Variants in SV2B observed in about 807,000 individuals in gnomAD.
SV2B encodes solute carrier family 22 member B2.
Under a neutral mutation model 73.9 loss-of-function variants are expected in SV2B, and 41 were observed. The ratio of observed to expected loss-of-function variants is 0.56; its 90% confidence interval spans 0.43 to 0.72. The LOEUF is 0.72. Ranked by LOEUF, SV2B falls within the 30% of genes least tolerant of loss-of-function variation. SV2B has a pLI of 0.00. For missense variants in SV2B, 764 were observed against 857.8 expected (o/e 0.89, Z 1.37); for synonymous variants, 314 against 314.2 (o/e 1.00, Z 0.01).
chr15:91,257,644 C>T (rs539354195), intron 4 of SV2B, among the ~76,000 whole-genome samples: 1 of 152,310 alleles, frequency 6.6e-6, no homozygotes, highest in African/African-American at 2.4e-5. Context: ...ACCCTTTGCG[C>T]TGGAATCACC....
chr15:91,212,803 A>T (rs1475726103), intron 1 of SV2B, among the ~76,000 whole-genome samples: 2 of 151,720 alleles, frequency 1.3e-5, no homozygotes, highest in Non-Finnish European at 2.9e-5. Context: ...AAAAATTTTT[A>T]AAAAATAAGA....
rs1244786510 is a variant in SV2B at position 91,106,089 on chromosome 15, A to C, written c.-392+5726A>C. On this transcript the variant is annotated intron_variant, in intron 1 of 12. Transcript: ENST00000394232. This position sits in a 1 kb window ranked among gnomAD's most constrained non-coding sequence, Gnocchi z 4.4. ...AAAAAAAGATGGTGAGAAGTGGCTAAATTCATAAAGCAGGCAGGATGTGTG... is the reference window on the plus strand; with the variant it reads ...AAAAAAAGATGGTGAGAAGTGGCTACATTCATAAAGCAGGCAGGATGTGTG... 2.0e-5 allele frequency among the ~76,000 whole-genome samples: 3 copies of C among 152,190 alleles called. No homozygotes were observed. The highest frequency in any genetic ancestry group is 7.2e-5 in the African/African-American group (3 of 41,438).
chr15:91,279,177 G>A (rs757234009), intron 9 of SV2B, among the ~76,000 whole-genome samples: 1 of 152,148 alleles, frequency 6.6e-6, no homozygotes, highest in African/African-American at 2.4e-5. Flanking sequence ...TGGTTTTATA[G>A]CATACCTCTA....
At position 91,229,845 on chromosome 15, in the gene SV2B, C is replaced by A. The variant is rs2046507694; in HGVS notation, c.451+3131C>A. 6.6e-6 allele frequency among the ~76,000 whole-genome samples: 1 copy of A among 152,156 alleles called. No individual in the cohort carries two copies. The highest frequency in any genetic ancestry group is 1.5e-5 in the Non-Finnish European group (1 of 68,032). On this transcript the variant is annotated intron_variant, in intron 2 of 12. Coordinates refer to ENST00000394232, the MANE Select transcript of SV2B (RefSeq NM_001323032.3). The surrounding 1 kb of genome is among the most constrained non-coding windows in gnomAD (Gnocchi z 4.3). ...TTCAGCCAATGTTTTTTATGGTAGA[C>A]TTCTAAGGTCAAGCTATCCTGCCTC...
chr15:91,198,826 T>TGCA (rs2045355858), intron 1 of SV2B, among the ~76,000 whole-genome samples: 1 of 152,198 alleles, frequency 6.6e-6, no homozygotes, highest in South Asian at 2.1e-4. Context: ...TGTTGCTGTA[T>TGCA]GCATGCAGCT....
intron 1 of SV2B, among the ~76,000 whole-genome samples, chr15:91,161,770 AAAC>A (rs2141250544): frequency 6.6e-6 from 1 of 152,360 alleles, no homozygotes; most frequent in African/African-American, 2.4e-5. Context: ...CCTATAGGAC[AAAC>A]AACAAGTGTG....
chr15:91,279,576 T>A (rs576081941), intron 9 of SV2B, among the ~76,000 whole-genome samples: 5 of 152,366 alleles, frequency 3.3e-5, no homozygotes, highest in African/African-American at 1.2e-4. Flanking sequence ...CCCTTTCTCC[T>A]TTTATCTCTT....
chr15:91,267,587 G>C lies in SV2B; in HGVS notation c.1152G>C (p.Gly384=), dbSNP rs368688126. ...VWDNALYCVM[G]PYRMNTLILA... ...ATAATGCCCTGTACTGTGTGATGGGGCCCTACAGAATGAATACACTGATTC... is the reference window on the plus strand; with the variant it reads ...ATAATGCCCTGTACTGTGTGATGGGCCCCTACAGAATGAATACACTGATTC... The change falls in exon 8 of 13, where the codon GGG becomes GGC. Residue 384 remains glycine, a synonymous_variant. Transcript: ENST00000394232. The surrounding 1 kb of genome is among the most constrained non-coding windows in gnomAD (Gnocchi z 4.3). 177 of 1,613,466 alleles carry C rather than the reference G, an allele frequency of 1.1e-4. 1 individual carries two copies. The East Asian group carries it at 2.4e-3, about 22-fold the overall frequency.
chr15:91,162,925 C>A (rs577964463), intron 1 of SV2B, among the ~76,000 whole-genome samples: 4 of 147,638 alleles, frequency 2.7e-5, no homozygotes, highest in African/African-American at 9.9e-5. Flanking sequence ...CCCCCAACCC[C>A]ACGACAGGCT....
rs573700423 is a variant in SV2B at position 91,239,843 on chromosome 15, G to A, written c.452-11976G>A. On this transcript the variant is annotated intron_variant, in intron 2 of 12. Coordinates refer to ENST00000394232, the MANE Select transcript of SV2B (RefSeq NM_001323032.3). The surrounding 1 kb of genome is among the most constrained non-coding windows in gnomAD (Gnocchi z 5.1). ...CAGGGCATGAGGTTGGCATGTCTGC[G>A]ATTCTCTTTACTTTCCATGGTGGTC... 3.3e-5 allele frequency among the ~76,000 whole-genome samples: 5 copies of A among 152,286 alleles called. No homozygotes were observed. In the South Asian group the frequency reaches 8.3e-4, roughly 25 times the overall value.
chr15:91,202,267 A>G lies in SV2B; in HGVS notation c.-391-23606A>G, dbSNP rs75452448. On this transcript the variant is annotated intron_variant, in intron 1 of 12. Transcript: ENST00000394232. ...CTCTCTCCACTAGAAGGTTAGCTCT[A>G]TGAGGTCAGGGACTTTGTGTTCTTT... Among the ~76,000 whole-genome samples, 78 of 152,290 alleles carry G rather than the reference A, an allele frequency of 5.1e-4. No homozygotes were observed. In the East Asian group the frequency reaches 0.01, roughly 20 times the overall value.
chr15:91,134,016 T>TTTTTTTTTTTTTTTTTG (rs3082090), intron 1 of SV2B, among the ~76,000 whole-genome samples: 1 of 145,316 alleles, frequency 6.9e-6, no homozygotes, highest in African/African-American at 2.6e-5. Context: ...TTTTTTTTTT[T>TTTTTTTTTTTTTTTTTG]GAGATGGAGT....
chr15:91,269,813 T>C (rs551603494), intron 9 of SV2B, among the ~76,000 whole-genome samples: 33 of 152,346 alleles, frequency 2.2e-4, no homozygotes, highest in African/African-American at 7.0e-4. Context: ...CTAAGTATCA[T>C]TGACATGGGT....
At chr15:91,204,586 T>C (rs2045570839) in intron 1 of SV2B, among the ~76,000 whole-genome samples, 1 of 147,272 alleles carries the variant, frequency 6.8e-6, no homozygotes. Context: ...AGACAGAATC[T>C]CATTCTGTTG....
chr15:91,158,714 C>CCT (rs2043596977), intron 1 of SV2B, among the ~76,000 whole-genome samples: 2 of 95,166 alleles, frequency 2.1e-5, no homozygotes, highest in African/African-American at 8.4e-5. Context: ...CTCTCCTCTC[C>CCT]TCTCCTCTCC....
chr15:91,238,292 T>A (rs1391810810), intron 2 of SV2B, among the ~76,000 whole-genome samples: 1 of 152,224 alleles, frequency 6.6e-6, no homozygotes, highest in African/African-American at 2.4e-5. Flanking sequence ...TATCTTACAT[T>A]ATACCATTTC....
chr15:91,150,018 A>AT (rs1011705817), intron 1 of SV2B, among the ~76,000 whole-genome samples: 2 of 151,136 alleles, frequency 1.3e-5, no homozygotes, highest in African/African-American at 4.9e-5. Flanking sequence ...TTATTTGTTT[A>AT]TTTTTTGACA....
intron 9 of SV2B, among the ~76,000 whole-genome samples, chr15:91,274,175 GTGT>G (rs1428832298): frequency 1.3e-5 from 2 of 152,158 alleles, no homozygotes; most frequent in Admixed American, 1.3e-4. Context: ...GCTGCAAAAA[GTGT>G]TGTCAGGAAG....
At chr15:91,102,485 G>C (rs190898516) in intron 1 of SV2B, among the ~76,000 whole-genome samples, 5 of 152,122 alleles carry the variant, frequency 3.3e-5, no homozygotes, top group African/African-American at 1.2e-4. Flanking sequence ...GCACAAAGTA[G>C]GTGCTCAAGA....
Sources: gnomAD v4.1 joint callset for allele counts (sites outside exome capture counted in the v4.1 genomes callset) on GRCh38, gnomAD v4.1.1 for gene constraint, Gnocchi (gnomAD v3.1) non-coding constraint, MANE v1.5 for transcripts, NCBI Gene and HGNC (gene_info 2026-07-23, HGNC 2026-07-21) for gene names.